The following ITPR3 variants were observed in gnomAD, a reference collection of about 807,000 sequenced individuals.
ITPR3 encodes the protein inositol 1,4,5-trisphosphate receptor type 3.
ITPR3 carries 173 observed loss-of-function variants against 293.2 expected under a neutral mutation model. The ratio of observed to expected loss-of-function variants is 0.59; its 90% CI spans 0.52 to 0.67. The LOEUF (loss-of-function observed/expected upper bound fraction) is 0.67. ITPR3 is among the 30% of genes least tolerant of loss of function. The probability of loss-of-function intolerance (pLI) is 0.00; values close to 1 mark genes in which losing one functional copy is unlikely to be tolerated. For missense variants in ITPR3, 2,796 were observed against 3,592.1 expected (o/e 0.78, Z 5.66); for synonymous variants, 1,295 against 1,444.4 (o/e 0.90, Z 2.35).
chr6:33,662,463 C>T, intron 7 of ITPR3, 65 bp from the exon 8 acceptor site: 5 of 1,517,170 alleles, frequency 3.3e-6, no homozygotes, highest in Middle Eastern at 2.1e-4. Context: ...TGGGGCTGGG[C>T]CCTGGGTGGG....
intron 1 of ITPR3, among the ~76,000 whole-genome samples, chr6:33,627,014 G>A (rs1366346960): frequency 6.6e-6 from 1 of 152,018 alleles, no homozygotes; most frequent in African/African-American, 2.4e-5. Context: ...CTCCATGTTG[G>A]TCAAGCTGGT....
chr6:33,692,680 T>C lies in ITPR3; in HGVS notation c.7459-48T>C, dbSNP rs1007179059. The C allele has an allele frequency of 1.9e-6, 3 of 1,593,228 alleles. No homozygotes were observed. The highest frequency in any genetic ancestry group is 2.6e-6 in the Non-Finnish European group (3 of 1,164,952). ...CAACCTGAGTCCTATCTTGCCCCAG[T>C]GAATGTGGGGACCACCGGGCCCAGC... On this transcript the variant is annotated intron_variant, in intron 54 of 57. Coordinates refer to ENST00000605930, the MANE Select transcript of ITPR3 (RefSeq NM_002224.4). This position sits in a 1 kb window ranked among gnomAD's most constrained non-coding sequence, Gnocchi z 4.2.
intron 16 of ITPR3, 90 bp from the exon 17 acceptor site, chr6:33,668,425 T>C: frequency 6.4e-7 from 1 of 1,558,060 alleles, no homozygotes; most frequent in South Asian, 1.2e-5. Context: ...GTGGCGGTGC[T>C]GCCAGCTGGG....
chr6:33,661,839 A>G (rs1764475804), intron 7 of ITPR3, among the ~76,000 whole-genome samples: 1 of 135,594 alleles, frequency 7.4e-6, no homozygotes, highest in African/African-American at 2.6e-5. Context: ...TACTAAAAAT[A>G]AAATAAATTA....
chr6:33,689,294 A>G lies in ITPR3; in HGVS notation c.6751A>G (p.Ile2251Val). Residue 2251 changes from isoleucine (I) to valine (V), a missense_variant, in exon 50 of 58, where the codon ATC becomes GTC. Transcript: ENST00000605930. Reference protein sequence around the residue: ...LLFWILICFSIAALFTKRYSI... With the variant: ...LLFWILICFSVAALFTKRYSI... ...CTTCTGGATCCTCATCTGCTTCTCC[A>G]TCGCGGCCCTGTTCACCAAGCGCTA... The G allele has an allele frequency of 6.2e-7, 1 of 1,612,350 alleles. No individual in the cohort carries two copies. The highest frequency in any genetic ancestry group is 8.5e-7 in the Non-Finnish European group (1 of 1,179,998).
rs765756100 is a variant in ITPR3 at position 33,667,313 on chromosome 6, C to T, written c.1713+23C>T. ...CAGGTGCGCCGCTGCCCTGCTGGCC[C>T]ACTCGCTGGCTGCACGTTCCTTCCT... On this transcript the variant is annotated intron_variant, in intron 15 of 57. Coordinates refer to ENST00000605930, the MANE Select transcript of ITPR3 (RefSeq NM_002224.4). This position sits in a 1 kb window ranked among gnomAD's most constrained non-coding sequence, Gnocchi z 4.4. 1.2e-6 allele frequency: 2 copies of T among 1,605,572 alleles called. No homozygotes were observed. The highest frequency in any genetic ancestry group is 3.4e-5 in the Admixed American group (2 of 59,494).
At chr6:33,630,874 C>T (rs1007847048) in intron 1 of ITPR3, among the ~76,000 whole-genome samples, 6 of 152,210 alleles carry the variant, frequency 3.9e-5, no homozygotes, top group African/African-American at 1.2e-4. Flanking sequence ...CGTTGGTTGG[C>T]ACAGGGTGGA....
rs981166381 is a variant in ITPR3, at chr6:33,685,221, G to C, written c.5308-138G>C. On this transcript the variant is annotated intron_variant, in intron 39 of 57. Coordinates refer to ENST00000605930, the MANE Select transcript of ITPR3 (RefSeq NM_002224.4). Reference sequence around the variant, plus strand: ...GAGCCGCCCATGGGTGGCCATGGATGCTAGCCACCAGCACCCAGGCCTGCA... The same window carrying C: ...GAGCCGCCCATGGGTGGCCATGGATCCTAGCCACCAGCACCCAGGCCTGCA... The C allele has an allele frequency of 4.5e-6, 4 of 888,968 alleles. No individual in the cohort carries two copies. The African/African-American group carries it at 6.7e-5, about 15-fold the overall frequency. The allele number at this position is 888,968 out of a possible 1,614,324, so 55.1% of individuals were successfully genotyped here.
rs9461900 is a variant in ITPR3, at chr6:33,691,519, A to G, written c.7226-96A>G. On this transcript the variant is annotated intron_variant, in intron 52 of 57. Transcript: ENST00000605930. The surrounding 1 kb of genome is among the most constrained non-coding windows in gnomAD (Gnocchi z 4.9). ...AGTGGAGGGCTGGCGATCCAGGACC[A>G]GGGAAGGTTTCCTGGAGGATGTGAC... is the stretch of plus-strand genomic sequence containing the variant. 2.5e-3 allele frequency: 2,554 copies of G among 1,005,024 alleles called. 44 individuals carry two copies. In the African/African-American group the frequency reaches 0.029, roughly 12 times the overall value. The allele number at this position is 1,005,024 out of a possible 1,614,324, so 62.3% of individuals were successfully genotyped here.
rs1488851393 is a variant in ITPR3, at chr6:33,657,914, CTG to C, written c.283-10_283-9del. On this transcript the variant is annotated splice_polypyrimidine_tract_variant and intron_variant, in intron 3 of 57. Coordinates refer to ENST00000605930, the MANE Select transcript of ITPR3 (RefSeq NM_002224.4). ...CAGCTTCTGAGCCCACCCTTCACTTCTGTGTGTGTCTGTGCAGCATGCGGCGC... is the reference window on the plus strand; with the variant it reads ...CAGCTTCTGAGCCCACCCTTCACTTCTGTGTGTCTGTGCAGCATGCGGCGC... The C allele has an allele frequency of 1.9e-6, 3 of 1,611,352 alleles. No individual in the cohort carries two copies. The highest frequency in any genetic ancestry group is 2.5e-6 in the Non-Finnish European group (3 of 1,178,438).
intron 25 of ITPR3, 84 bp from the exon 26 acceptor site, chr6:33,676,684 C>G: frequency 6.6e-7 from 1 of 1,526,392 alleles, no homozygotes; most frequent in South Asian, 1.2e-5. Context: ...GAGGGGAACC[C>G]TAGAGTAAGG....
In ITPR3 at chr6:33,675,684, C is replaced by A; in HGVS notation, c.3117-7C>A. The A allele has an allele frequency of 6.3e-7, 1 of 1,591,838 alleles. No homozygotes were observed. The highest frequency in any genetic ancestry group is 8.6e-7 in the Non-Finnish European group (1 of 1,167,880). On this transcript the variant is annotated splice_region_variant and splice_polypyrimidine_tract_variant and intron_variant, in intron 24 of 57. Coordinates refer to ENST00000605930, the MANE Select transcript of ITPR3 (RefSeq NM_002224.4). The surrounding 1 kb of genome is among the most constrained non-coding windows in gnomAD (Gnocchi z 5.0). ...CACCCATGCGCCCTGCACCCTTGTGCCCGCAGGAAGACAAGCAGCATGCTG... is the reference window on the plus strand; with the variant it reads ...CACCCATGCGCCCTGCACCCTTGTGACCGCAGGAAGACAAGCAGCATGCTG...
At chr6:33,643,282 C>T (rs999778149) in intron 2 of ITPR3, among the ~76,000 whole-genome samples, 4 of 152,224 alleles carry the variant, frequency 2.6e-5, no homozygotes, top group Admixed American at 1.3e-4. Context: ...CCCTGCCCGG[C>T]TCCCTGCCAG....
chr6:33,668,626 C>G lies in ITPR3; in HGVS notation c.1998C>G (p.Ile666Met). The change falls in exon 17 of 58, where the codon ATC (isoleucine) becomes ATG (methionine). Residue 666 changes from isoleucine (I) to methionine (M), a missense_variant. Physicochemically the swap from Ile to Met is conservative, Grantham distance 10 (BLOSUM62 1). Around this residue, in one of 8 missense-constraint regions of ITPR3, gnomAD observed 955 missense variants for 1,180.8 expected, o/e 0.81. Transcript: ENST00000605930. ...ACCCCAAGAACAGTGACATTCTCAT[C>G]CGGACCGAGTGAGCCCTGTGCCCCC... is the stretch of plus-strand genomic sequence containing the variant. ...VLDPKNSDIL[I>M]RTELRPVKEM... 1 of 1,614,218 alleles carries G rather than the reference C, an allele frequency of 6.2e-7. No individual in the cohort carries two copies. Among genetic ancestry groups the G allele is most frequent in the Non-Finnish European group, 8.5e-7 (1 of 1,180,034 alleles).
chr6:33,667,785 C>A lies in ITPR3; in HGVS notation c.1714-7C>A. 6.2e-7 allele frequency: 1 copy of A among 1,613,850 alleles called. No homozygotes were observed. The highest frequency in any genetic ancestry group is 8.5e-7 in the Non-Finnish European group (1 of 1,179,812). ...CTCTGTGACCCCCAGCCTGTCTGCC[C>A]CCCCAGGAGCACATTGCCAAGCAGT... On this transcript the variant is annotated splice_polypyrimidine_tract_variant and splice_region_variant and intron_variant, in intron 15 of 57. Transcript: ENST00000605930. This position sits in a 1 kb window ranked among gnomAD's most constrained non-coding sequence, Gnocchi z 4.4.
chr6:33,678,822 G>T lies in ITPR3; in HGVS notation c.3955G>T (p.Asp1319Tyr). 2.5e-6 allele frequency: 4 copies of T among 1,613,012 alleles called. No individual in the cohort carries two copies. Among genetic ancestry groups the T allele is most frequent in the Non-Finnish European group, 3.4e-6 (4 of 1,179,660 alleles). Residue 1319 changes from aspartate (D) to tyrosine (Y), a missense_variant, in exon 30 of 58, where the codon GAC becomes TAC. Around this residue, in one of 8 missense-constraint regions of ITPR3, gnomAD observed 344 missense variants for 460.3 expected, o/e 0.75. Transcript: ENST00000605930. Reference protein sequence around the residue: ...AEGKYVKKCQDMIMTELTNAG... With the variant: ...AEGKYVKKCQYMIMTELTNAG... Reference sequence around the variant, plus strand: ...GGGCAAGTACGTCAAGAAGTGCCAGGACATGATCATGACTGAGGTGAGGGC... The same window carrying T: ...GGGCAAGTACGTCAAGAAGTGCCAGTACATGATCATGACTGAGGTGAGGGC...
intron 2 of ITPR3, among the ~76,000 whole-genome samples, chr6:33,650,917 G>A (rs1337078624): frequency 1.3e-5 from 2 of 151,668 alleles, no homozygotes; most frequent in Non-Finnish European, 2.9e-5. Flanking sequence ...GTTCTCCCTC[G>A]CGGTGTCTGG....
intron 2 of ITPR3, among the ~76,000 whole-genome samples, chr6:33,652,835 G>C (rs980163976): frequency 6.6e-6 from 1 of 152,086 alleles, no homozygotes; most frequent in African/African-American, 2.4e-5. Flanking sequence ...CTGGAGCCAG[G>C]GGGAGGGAAT....
chr6:33,678,589 G>T (rs766674667), intron 29 of ITPR3, 46 bp downstream of exon 29: 18 of 1,565,336 alleles, frequency 1.1e-5, no homozygotes, highest in East Asian at 2.3e-5. Context: ...GGGGGATGGG[G>T]GGTGGGGGCG....
Sources: allele counts gnomAD v4.1 joint callset (sites outside exome capture counted in the v4.1 genomes callset), GRCh38; gene constraint gnomAD v4.1.1; regional missense constraint gnomAD v4.1.1; non-coding constraint Gnocchi (gnomAD v3.1); transcripts MANE v1.5; gene names NCBI Gene and HGNC (gene_info 2026-07-23, HGNC 2026-07-21).